The following BST1 variants were observed in gnomAD, a reference collection of about 807,000 sequenced individuals.
BST1 encodes the protein ADP-ribosyl cyclase/cyclic ADP-ribose hydrolase 2.
Under a neutral mutation model 40.6 loss-of-function variants are expected in BST1, and 49 were observed. The ratio of observed to expected loss-of-function variants is 1.21; its 90% CI spans 0.96 to 1.53. The LOEUF (loss-of-function observed/expected upper bound fraction) is 1.53, where lower values mean the gene tolerates loss of function less well. Among genes scored for constraint, BST1 ranks in the 40% most tolerant of loss-of-function variants. BST1 has a pLI of 0.00. For missense variants in BST1, 423 were observed against 395.9 expected (o/e 1.07, Z -0.58); for synonymous variants, 157 against 159.3 (o/e 0.99, Z 0.11).
chr4:15,737,778 C>T (rs1430556588), downstream of BST1: 1 of 1,285,908 alleles, frequency 7.8e-7, no homozygotes. Flanking sequence ...ACTTTCTGAA[C>T]CTGAACAGGA....
At chr4:15,752,510 T>A in the BST1 span, among the ~76,000 whole-genome samples, 1 of 151,780 alleles carries the variant, frequency 6.6e-6, no homozygotes, top group Non-Finnish European at 1.5e-5. Flanking sequence ...TGCCTCAGCC[T>A]CCTGAGTAGC....
chr4:15,756,247 T>A, the BST1 span, among the ~76,000 whole-genome samples: 1 of 152,066 alleles, frequency 6.6e-6, no homozygotes, highest in African/African-American at 2.4e-5. Context: ...TACTAGACAA[T>A]CTGGTCTTTT....
At chr4:15,722,955 A>G (rs757853768) in intron 8 of BST1, 21 bp downstream of exon 8, 2 of 1,608,936 alleles carry the variant, frequency 1.2e-6, no homozygotes, top group Admixed American at 3.3e-5. Flanking sequence ...GTCTTAACCC[A>G]AATCGTTCTT....
chr4:15,753,769 G>A, the BST1 span, among the ~76,000 whole-genome samples: 3 of 152,222 alleles, frequency 2.0e-5, no homozygotes, highest in Non-Finnish European at 2.9e-5. Context: ...CAGGAAAATC[G>A]GAGGAGGTTT....
downstream of BST1, among the ~76,000 whole-genome samples, chr4:15,734,533 A>C (rs1721492389): frequency 6.6e-6 from 1 of 152,108 alleles, no homozygotes; most frequent in Admixed American, 6.6e-5. Flanking sequence ...GACTAAACTT[A>C]GGGGTTTACA....
intron 8 of BST1, among the ~76,000 whole-genome samples, chr4:15,730,000 C>A (rs1426895110): frequency 6.6e-6 from 1 of 152,074 alleles, no homozygotes; most frequent in South Asian, 2.1e-4. Context: ...AAAAATGTAA[C>A]CTTATGTTAA....
At chr4:15,728,017 T>C (rs1721199569) in intron 8 of BST1, among the ~76,000 whole-genome samples, 1 of 151,828 alleles carries the variant, frequency 6.6e-6, no homozygotes, top group Non-Finnish European at 1.5e-5. Flanking sequence ...TTATAGGTTA[T>C]AATATTGGCC....
chr4:15,771,973 T>G, the BST1 span, among the ~76,000 whole-genome samples: 2 of 151,932 alleles, frequency 1.3e-5, no homozygotes. Context: ...CAACAGGATA[T>G]GTCCTATGCT....
chr4:15,707,235 T>C (rs1719928425), intron 2 of BST1, among the ~76,000 whole-genome samples: 2 of 152,212 alleles, frequency 1.3e-5, no homozygotes, highest in Admixed American at 1.3e-4. Context: ...CTTGATCATT[T>C]TTAATGTAGG....
At chr4:15,752,508 C>A in the BST1 span, among the ~76,000 whole-genome samples, 4,227 of 151,856 alleles carry the variant, frequency 0.028, 218 homozygotes, top group African/African-American at 0.097. Flanking sequence ...CCTGCCTCAG[C>A]CTCCTGAGTA....
At chr4:15,707,851 C>CTATATATATA (rs1381695458) in intron 3 of BST1, among the ~76,000 whole-genome samples, 1 of 110,706 alleles carries the variant, frequency 9.0e-6, no homozygotes, top group African/African-American at 3.4e-5. Flanking sequence ...CTCTCTCTCT[C>CTATATATATA]TCTCTATATA....
rs193292134 is a variant in BST1 at position 15,715,282 on chromosome 4, T to C, written c.535-3T>C. 1.6e-4 allele frequency: 266 copies of C among 1,613,686 alleles called. No individual in the cohort carries two copies. In the African/African-American group the frequency reaches 2.6e-3, roughly 16 times the overall value. On this transcript the variant is annotated splice_polypyrimidine_tract_variant and splice_region_variant and intron_variant, in intron 4 of 8. Transcript: ENST00000265016. ...TGCTAAAAATACTTGGTTCTTCTCG[T>C]AGTATTCCAAGGATAGTTCTGGGGT...
chr4:15,747,689 A>T, the BST1 span, among the ~76,000 whole-genome samples: 3 of 152,290 alleles, frequency 2.0e-5, no homozygotes, highest in African/African-American at 7.2e-5. Flanking sequence ...TTTATTTATT[A>T]GAGACAAGTT....
At chr4:15,763,811 C>A in the BST1 span, among the ~76,000 whole-genome samples, 1 of 151,896 alleles carries the variant, frequency 6.6e-6, no homozygotes, top group Non-Finnish European at 1.5e-5. Flanking sequence ...GTGAACGAAG[C>A]CAATCTGAAA....
chr4:15,747,114 G>T, the BST1 span, among the ~76,000 whole-genome samples: 1 of 152,176 alleles, frequency 6.6e-6, no homozygotes, highest in East Asian at 1.9e-4. Flanking sequence ...CTGGGCCTGA[G>T]GTTCCAGACA....
chr4:15,766,626 T>C, the BST1 span, among the ~76,000 whole-genome samples: 1 of 151,696 alleles, frequency 6.6e-6, no homozygotes, highest in African/African-American at 2.4e-5. Context: ...CTGTCTTACA[T>C]GAATCTGCTA....
chr4:15,770,649 G>T, the BST1 span, among the ~76,000 whole-genome samples: 1 of 152,088 alleles, frequency 6.6e-6, no homozygotes, highest in Non-Finnish European at 1.5e-5. Context: ...GCGGTGAGCC[G>T]AGATTGCATC....
rs41267477 is a variant in BST1 at position 15,712,024 on chromosome 4, A to G, written c.534+135A>G. On this transcript the variant is annotated intron_variant, in intron 4 of 8. Coordinates refer to ENST00000265016, the MANE Select transcript of BST1 (RefSeq NM_004334.3). ...CACTTTCCACTTTTACCACATCATG[A>G]TTCATGCTCTTTGCTATATAAAGTT... 1.8e-3 allele frequency: 1,218 copies of G among 681,776 alleles called. 2 individuals are homozygous for G. The highest frequency in any genetic ancestry group is 2.5e-3 in the Non-Finnish European group (997 of 391,250). 42.2% of individuals were successfully genotyped at this position (681,776 alleles called of 1,614,324 possible). A position where few individuals can be genotyped will look rare whatever the true frequency, so the allele number is the denominator to read the frequency against.
At chr4:15,750,878 C>T in the BST1 span, among the ~76,000 whole-genome samples, 1 of 151,976 alleles carries the variant, frequency 6.6e-6, no homozygotes, top group African/African-American at 2.4e-5. Flanking sequence ...TATATTTCTA[C>T]TGGTCAGTAC....
Sources: gnomAD v4.1 joint callset for allele counts (sites outside exome capture counted in the v4.1 genomes callset) on GRCh38, gnomAD v4.1.1 for gene constraint, MANE v1.5 for transcripts, NCBI Gene and HGNC (gene_info 2026-07-23, HGNC 2026-07-21) for gene names.